ZNF680: variants seen among roughly 807,000 people sequenced by gnomAD.
The protein encoded by ZNF680 is hypothetical protein FLJ90430.
A neutral mutation model predicts 12.1 loss-of-function variants in ZNF680; 6 were observed. The observed-to-expected ratio is 0.49, with a 90% CI of 0.27 to 0.98. ZNF680 has a LOEUF of 0.98. Ranked by LOEUF, ZNF680 falls within the 50% of genes least tolerant of loss-of-function variation. The pLI, the probability that ZNF680 is intolerant of heterozygous loss-of-function variation, is 0.12. For missense variants in ZNF680, 561 were observed against 616.3 expected (o/e 0.91, Z 0.95); for synonymous variants, 170 against 199.3 (o/e 0.85, Z 1.24).
chr7:64,544,377 C>G lies in ZNF680; in HGVS notation c.86G>C (p.Cys29Ser), dbSNP rs2116492374. 1.9e-6 allele frequency: 3 copies of G among 1,604,652 alleles called. No individual in the cohort carries two copies. The highest frequency in any genetic ancestry group is 3.4e-4 in the Middle Eastern group (2 of 5,968). ...AIEFSLEEWQ[C>S]LDTAQRNLYR... ...TAAATTCCGTTGTGCAGTGTCCAGG[C>G]ATTGCCACTCCTCCAGAGAGAATTC... Residue 29 changes from cysteine to serine, a missense_variant, in exon 2 of 4, where the codon TGC (cysteine) becomes TCC (serine). Cys to Ser is a moderately radical substitution (Grantham distance 112). Transcript: ENST00000309683.
At chr7:64,559,127 C>G (rs1226838878) in intron 1 of ZNF680, among the ~76,000 whole-genome samples, 1 of 152,072 alleles carries the variant, frequency 6.6e-6, no homozygotes, top group Non-Finnish European at 1.5e-5. Context: ...ACATTTTATA[C>G]AAGATAAAGT....
the ZNF680 span, among the ~76,000 whole-genome samples, chr7:64,511,758 AT>A: frequency 6.8e-6 from 1 of 146,766 alleles, no homozygotes; most frequent in East Asian, 2.0e-4. Flanking sequence ...AAAAAAAAAA[AT>A]TCTTAAAAAG....
chr7:64,523,714 C>T (rs1033764163), intron 3 of ZNF680, among the ~76,000 whole-genome samples: 1 of 151,940 alleles, frequency 6.6e-6, no homozygotes, highest in East Asian at 1.9e-4. Context: ...AAGATTGAGA[C>T]CATCCTGGCT....
the ZNF680 span, among the ~76,000 whole-genome samples, chr7:64,504,242 C>T: frequency 2.0e-5 from 3 of 151,986 alleles, no homozygotes; most frequent in Non-Finnish European, 2.9e-5. Flanking sequence ...TGCCTTCTTC[C>T]GTTTATATCA....
intron 1 of ZNF680, chr7:64,552,088 C>T (rs1434525528): frequency 6.6e-6 from 1 of 152,126 alleles, no homozygotes; most frequent in Non-Finnish European, 1.5e-5. Context: ...GAGTCTCGTT[C>T]TGTCACTCAG....
At position 64,520,345 on chromosome 7, in the gene ZNF680, AT is replaced by A. The variant is rs571814145; in HGVS notation, c.*815del. 4.0e-5 allele frequency: 6 copies of A among 151,858 alleles called. No homozygotes were observed. The highest frequency in any genetic ancestry group is 8.9e-5 in the Non-Finnish European group (6 of 67,752). 9.4% of individuals were successfully genotyped at this position (151,858 alleles called of 1,614,324 possible). The stretch of plus-strand genomic sequence containing the variant: ...CCATAATTTTTTCAAGAAAAAAAGT[AT>A]ACTTTCAATGTAATTATAACTCTCC... On this transcript the variant is annotated 3_prime_UTR_variant, in exon 4 of 4. Coordinates refer to ENST00000309683, the MANE Select transcript of ZNF680 (RefSeq NM_178558.5).
intron 3 of ZNF680, chr7:64,526,437 C>T: frequency 1.3e-6 from 2 of 1,492,636 alleles, no homozygotes; most frequent in Non-Finnish European, 1.8e-6. Flanking sequence ...TTTCTGTAAT[C>T]CCACATCTTT....
At chr7:64,500,795 T>G in the ZNF680 span, 1 of 346,596 alleles carries the variant, frequency 2.9e-6, no homozygotes, top group Non-Finnish European at 5.9e-6. Context: ...TCCTCCTGTT[T>G]TTGGCTTTGT....
chr7:64,525,879 T>C lies in ZNF680; in HGVS notation c.254-3379A>G, dbSNP rs922117587. The stretch of plus-strand genomic sequence containing the variant: ...TTGCAACAAACCTATACCAGAAATA[T>C]ACAAGTCATAAAAAGAACAGGGAAA... On this transcript the variant is annotated intron_variant, in intron 3 of 3. Transcript: ENST00000309683. 6.1e-6 allele frequency: 6 copies of C among 984,950 alleles called. No homozygotes were observed. The African/African-American group carries it at 7.0e-5, about 11-fold the overall frequency. 61.0% of individuals were successfully genotyped at this position (984,950 alleles called of 1,614,324 possible). A position where few individuals can be genotyped will look rare whatever the true frequency, so the allele number is the denominator to read the frequency against.
chr7:64,509,035 C>T, the ZNF680 span, among the ~76,000 whole-genome samples: 1 of 152,232 alleles, frequency 6.6e-6, no homozygotes, highest in Non-Finnish European at 1.5e-5. Context: ...TAAATACCCT[C>T]CCCCTCTCCA....
At chr7:64,561,725 G>A (rs1210361334) in intron 1 of ZNF680, among the ~76,000 whole-genome samples, 4 of 151,944 alleles carry the variant, frequency 2.6e-5, no homozygotes, top group Non-Finnish European at 4.4e-5. Flanking sequence ...ACGAGGTCAG[G>A]AGATCAAGAC....
At chr7:64,558,810 ATTTAT>A (rs1008087442) in intron 1 of ZNF680, among the ~76,000 whole-genome samples, 4 of 149,588 alleles carry the variant, frequency 2.7e-5, no homozygotes, top group African/African-American at 7.4e-5. Context: ...CAATTTTGAG[ATTTAT>A]TTTGTTAATG....
chr7:64,550,930 T>C lies in ZNF680; in HGVS notation c.31-6498A>G, dbSNP rs116263541. On this transcript the variant is annotated intron_variant, in intron 1 of 3. Transcript: ENST00000309683. ...GGGAAATATAATTAAAAGACAAATT[T>C]TCTCCAGCCCTAGAGCAACTCCACA... Among the ~76,000 whole-genome samples the C allele has an allele frequency of 4.6e-3, 698 of 152,292 alleles. 2 individuals carry two copies. The highest frequency in any genetic ancestry group is 0.016 in the African/African-American group (661 of 41,562).
downstream of ZNF680, among the ~76,000 whole-genome samples, chr7:64,519,381 T>A (rs1055938805): frequency 2.6e-5 from 4 of 151,924 alleles, no homozygotes; most frequent in Non-Finnish European, 5.9e-5. Context: ...AATTTTACAC[T>A]TCTGGTGTGA....
At chr7:64,539,140 A>G (rs2116466578) in intron 3 of ZNF680, among the ~76,000 whole-genome samples, 1 of 151,372 alleles carries the variant, frequency 6.6e-6, no homozygotes, top group South Asian at 2.1e-4. Context: ...CAAAAAAAAA[A>G]AAAAAAAAAA....
chr7:64,555,123 CA>C (rs1787337998), intron 1 of ZNF680, among the ~76,000 whole-genome samples: 2 of 152,118 alleles, frequency 1.3e-5, no homozygotes, highest in South Asian at 4.1e-4. Flanking sequence ...ATTATTAGGG[CA>C]GAAAATTTAC....
chr7:64,525,665 A>G (rs1791799132), intron 3 of ZNF680: 1 of 564,836 alleles, frequency 1.8e-6, no homozygotes, highest in East Asian at 1.5e-4. Flanking sequence ...AAAATATTCT[A>G]TTGTAAATGT....
intron 3 of ZNF680, among the ~76,000 whole-genome samples, chr7:64,539,372 A>AAAAAAAAC (rs1786371294): frequency 1.7e-5 from 1 of 57,384 alleles, no homozygotes; most frequent in African/African-American, 8.4e-5. Flanking sequence ...AAAAAAAAAA[A>AAAAAAAAC]AAAGAAAAGA....
chr7:64,535,116 C>T (rs532800362), intron 3 of ZNF680, among the ~76,000 whole-genome samples: 11 of 152,086 alleles, frequency 7.2e-5, no homozygotes, highest in Admixed American at 2.0e-4. Context: ...AAAGAACTTA[C>T]TCATGGAACC....
Sources: allele counts gnomAD v4.1 joint callset (sites outside exome capture counted in the v4.1 genomes callset), GRCh38; gene constraint gnomAD v4.1.1; transcripts MANE v1.5; gene names NCBI Gene and HGNC (gene_info 2026-07-23, HGNC 2026-07-21).